The following AUTS2 variants were observed in gnomAD, a reference collection of about 807,000 sequenced individuals.
AUTS2 encodes activator of transcription and developmental regulator AUTS2.
Under a neutral mutation model 112.4 loss-of-function variants are expected in AUTS2, and 17 were observed. The observed-to-expected ratio is 0.15, with a 90% CI of 0.10 to 0.23. AUTS2 has a LOEUF of 0.23. AUTS2 is among the 10% of genes least tolerant of loss of function. The pLI is 1.00. For missense variants in AUTS2, 1,510 were observed against 1,701.6 expected (o/e 0.89, Z 1.98); for synonymous variants, 751 against 702.7 (o/e 1.07, Z -1.09).
intron 5 of AUTS2, among the ~76,000 whole-genome samples, chr7:70,667,073 C>T (rs1807390105): frequency 6.6e-6 from 1 of 151,434 alleles, no homozygotes; most frequent in African/African-American, 2.4e-5. Flanking sequence ...TTTGTGCAAA[C>T]ACAGTGTTGT....
At chr7:70,367,744 A>G (rs1792650883) in intron 4 of AUTS2, among the ~76,000 whole-genome samples, 2 of 152,136 alleles carry the variant, frequency 1.3e-5, no homozygotes, top group Non-Finnish European at 2.9e-5. Flanking sequence ...GAGTTCTCAG[A>G]AAGTGCAAAT....
chr7:70,099,525 T>A (rs1804377152), intron 2 of AUTS2, among the ~76,000 whole-genome samples: 1 of 151,806 alleles, frequency 6.6e-6, no homozygotes, highest in South Asian at 2.1e-4. Flanking sequence ...CTCCCTTAAA[T>A]ACAATTCACA....
intron 5 of AUTS2, among the ~76,000 whole-genome samples, chr7:70,590,366 G>T (rs1164178675): frequency 2.6e-5 from 4 of 152,112 alleles, no homozygotes; most frequent in Non-Finnish European, 4.4e-5. Flanking sequence ...GTGGGCCTCA[G>T]AACTCAGATC....
Position 69,904,873 on chromosome 7 carries a change from C to T in AUTS2, c.522+5375C>T, listed in dbSNP as rs187972716. Reference sequence around the variant, plus strand: ...GGAATAAAAGATTGGCTTATGATCTCTCTTTGGAATATTGATTGACTTGAA... The same window carrying T: ...GGAATAAAAGATTGGCTTATGATCTTTCTTTGGAATATTGATTGACTTGAA... On this transcript the variant is annotated intron_variant, in intron 2 of 18. Coordinates refer to ENST00000342771, the MANE Select transcript of AUTS2 (RefSeq NM_015570.4). Among the ~76,000 whole-genome samples, 295 of 152,212 alleles carry T rather than the reference C, an allele frequency of 1.9e-3. 2 individuals carry two copies. Among genetic ancestry groups the T allele is most frequent in the Middle Eastern group, 3.4e-3 (1 of 294 alleles).
chr7:69,756,413 C>G (rs1360910048), intron 1 of AUTS2, among the ~76,000 whole-genome samples: 2 of 152,140 alleles, frequency 1.3e-5, no homozygotes, highest in Admixed American at 6.5e-5. Context: ...AGGAAGGCAT[C>G]TCTGAAGTCA....
chr7:70,307,540 C>T (rs1789543822), intron 4 of AUTS2, among the ~76,000 whole-genome samples: 1 of 152,244 alleles, frequency 6.6e-6, no homozygotes, highest in South Asian at 2.1e-4. Context: ...GTGCCAGACA[C>T]ATGCTCTAGC....
intron 1 of AUTS2, among the ~76,000 whole-genome samples, chr7:69,707,885 A>G (rs556922576): frequency 6.6e-6 from 1 of 152,212 alleles, no homozygotes; most frequent in African/African-American, 2.4e-5. Flanking sequence ...GCCCTTCTCC[A>G]TACTTGTTCG....
chr7:70,240,011 A>T (rs1812528024), intron 4 of AUTS2, among the ~76,000 whole-genome samples: 1 of 152,170 alleles, frequency 6.6e-6, no homozygotes, highest in African/African-American at 2.4e-5. Flanking sequence ...TGAATATTAT[A>T]ATCAGAGATG....
At chr7:69,912,741 C>A (rs987637843) in intron 2 of AUTS2, among the ~76,000 whole-genome samples, 1 of 152,164 alleles carries the variant, frequency 6.6e-6, no homozygotes, top group African/African-American at 2.4e-5. Context: ...TCCCTCCTTC[C>A]ACCCAGTGTC....
rs983846547 is a variant in AUTS2, at chr7:70,180,740, T to C, written c.660+46169T>C. On this transcript the variant is annotated intron_variant, in intron 4 of 18. Transcript: ENST00000342771. ...AGCTGCACAAGCCTGTCGTTTTCCA[T>C]ACTATTGTATTTTCAGGTCTAACAT... 2.1e-5 allele frequency among the ~76,000 whole-genome samples: 3 copies of C among 143,980 alleles called. No homozygotes were observed. The East Asian group carries it at 6.2e-4, about 30-fold the overall frequency. 94.5% of individuals were successfully genotyped at this position (143,980 alleles called of 152,430 possible).
intron 4 of AUTS2, among the ~76,000 whole-genome samples, chr7:70,401,308 A>G (rs1017201779): frequency 1.3e-4 from 20 of 152,280 alleles, no homozygotes; most frequent in African/African-American, 4.6e-4. Flanking sequence ...AGGATGGGGC[A>G]TATCAGCTCC....
intron 1 of AUTS2, among the ~76,000 whole-genome samples, chr7:69,765,661 C>T (rs576665912): frequency 2.6e-5 from 4 of 151,904 alleles, no homozygotes; most frequent in Non-Finnish European, 4.4e-5. Context: ...TGGTATAGTC[C>T]GGGCACGGTG....
intron 1 of AUTS2, among the ~76,000 whole-genome samples, chr7:69,728,680 C>CA (rs527612491): frequency 8.5e-5 from 11 of 128,730 alleles, no homozygotes; most frequent in African/African-American, 1.7e-4. Flanking sequence ...TTGCTTGTGG[C>CA]TTTTTTTTTT....
intron 5 of AUTS2, among the ~76,000 whole-genome samples, chr7:70,483,255 A>G (rs13223152): frequency 0.41 from 62,405 of 151,604 alleles, 13,097 homozygotes; most frequent in African/African-American, 0.46. Context: ...AGAGCTCCCT[A>G]CCTAGGCTCA....
chr7:70,250,990 A>G (rs1182826251), intron 4 of AUTS2, among the ~76,000 whole-genome samples: 3 of 152,194 alleles, frequency 2.0e-5, no homozygotes, highest in African/African-American at 7.2e-5. Context: ...ACAAACCTGC[A>G]CATGTACCCC....
Position 70,032,317 on chromosome 7 carries a change from C to T in AUTS2, c.523-85815C>T, listed in dbSNP as rs570193036. On this transcript the variant is annotated intron_variant, in intron 2 of 18. Transcript: ENST00000342771. ...CACTGTATGGCAAGCATTAATGAAA[C>T]GTTTAATTAACATTCCCTTCACTTG... 2.0e-4 allele frequency among the ~76,000 whole-genome samples: 30 copies of T among 152,154 alleles called. No homozygotes were observed. The South Asian group carries it at 5.8e-3, about 29-fold the overall frequency.
chr7:69,819,137 A>C (rs1313078315), intron 1 of AUTS2, among the ~76,000 whole-genome samples: 3 of 152,210 alleles, frequency 2.0e-5, no homozygotes, highest in African/African-American at 7.2e-5. Context: ...GTGGCTTGTG[A>C]TGGAAATGAC....
intron 5 of AUTS2, among the ~76,000 whole-genome samples, chr7:70,455,543 G>A (rs1185412478): frequency 6.6e-6 from 1 of 152,198 alleles, no homozygotes; most frequent in Non-Finnish European, 1.5e-5. Flanking sequence ...GTGGAGAGGT[G>A]GTTCCCTACC....
chr7:70,122,443 T>G (rs1458546831), intron 3 of AUTS2, among the ~76,000 whole-genome samples: 1 of 152,224 alleles, frequency 6.6e-6, no homozygotes, highest in African/African-American at 2.4e-5. Flanking sequence ...GTCTACTAAT[T>G]GTGTCACCTG....
Sources: gnomAD v4.1 joint callset for allele counts (sites outside exome capture counted in the v4.1 genomes callset) on GRCh38, gnomAD v4.1.1 for gene constraint, MANE v1.5 for transcripts, NCBI Gene and HGNC (gene_info 2026-07-23, HGNC 2026-07-21) for gene names.